GREB1L: variants seen among roughly 807,000 people sequenced by gnomAD.
GREB1L encodes GREB1-like protein.
A neutral mutation model predicts 200.8 loss-of-function variants in GREB1L; 17 were observed. The ratio of observed to expected loss-of-function variants is 0.08; its 90% CI spans 0.06 to 0.13. The LOEUF (loss-of-function observed/expected upper bound fraction) is 0.13. GREB1L is among the 10% of genes least tolerant of loss of function. GREB1L has a pLI of 1.00. For synonymous variants in GREB1L, 789 were observed against 893.0 expected (o/e 0.88, Z 2.08); for missense variants, 1,657 against 2,367.7 (o/e 0.70, Z 6.23).
chr18:21,426,449 T>A (rs1177632591), intron 7 of GREB1L, among the ~76,000 whole-genome samples: 2 of 152,236 alleles, frequency 1.3e-5, no homozygotes, highest in African/African-American at 2.4e-5. Flanking sequence ...TTTGTTAAGA[T>A]GACTAAATTT....
chr18:21,516,943 G>A (rs575433340), intron 30 of GREB1L, among the ~76,000 whole-genome samples, 189 bp downstream of exon 30: 14 of 146,526 alleles, frequency 9.6e-5, no homozygotes, highest in African/African-American at 1.5e-4. Flanking sequence ...GCGTGATCAC[G>A]GCTCACTGCA....
At chr18:21,296,969 A>G (rs79250565) in intron 1 of GREB1L, among the ~76,000 whole-genome samples, 54 of 152,238 alleles carry the variant, frequency 3.5e-4, no homozygotes, top group South Asian at 6.2e-4. Context: ...GATCTAAGGT[A>G]TAGCTTGAGC....
chr18:21,471,651 T>A lies in GREB1L; in HGVS notation c.2183-1380T>A, dbSNP rs2035488820. 2.0e-5 allele frequency among the ~76,000 whole-genome samples: 3 copies of A among 148,898 alleles called. 1 individual carries two copies. The highest frequency in any genetic ancestry group is 4.2e-4 in the South Asian group (2 of 4,740). On this transcript the variant is annotated intron_variant, in intron 15 of 32. Transcript: ENST00000424526. ...TTTTTTTTTTTTTTTTGAAACAGTC[T>A]CACTGTATTGTCCAGGCTGGAGTGC...
chr18:21,292,482 C>A (rs1408851401), intron 1 of GREB1L, among the ~76,000 whole-genome samples: 1 of 152,224 alleles, frequency 6.6e-6, no homozygotes, highest in African/African-American at 2.4e-5. Context: ...TCATCACCCC[C>A]AAAAGAAACC....
intron 7 of GREB1L, among the ~76,000 whole-genome samples, chr18:21,423,372 G>A (rs2032314786): frequency 6.6e-6 from 1 of 152,106 alleles, no homozygotes; most frequent in Non-Finnish European, 1.5e-5. Flanking sequence ...ATCATAGTTT[G>A]GGTTCTGCTA....
chr18:21,316,474 C>T (rs1264206160), intron 1 of GREB1L, among the ~76,000 whole-genome samples: 3 of 152,102 alleles, frequency 2.0e-5, no homozygotes, highest in Admixed American at 1.3e-4. Context: ...ATAGCAGTGA[C>T]GCATTTCAAA....
At chr18:21,507,908 C>A (rs959717534) in intron 25 of GREB1L, among the ~76,000 whole-genome samples, 2 of 152,190 alleles carry the variant, frequency 1.3e-5, no homozygotes, top group Non-Finnish European at 2.9e-5. Context: ...TATGCAGGTG[C>A]AAGACGGCGG....
At chr18:21,488,600 G>A (rs1041816244) in intron 18 of GREB1L, among the ~76,000 whole-genome samples, 1 of 152,170 alleles carries the variant, frequency 6.6e-6, no homozygotes, top group African/African-American at 2.4e-5. Flanking sequence ...CTCCATGAGA[G>A]CATTGGCCAA....
chr18:21,309,669 C>G (rs2038760156), intron 1 of GREB1L, among the ~76,000 whole-genome samples: 1 of 152,130 alleles, frequency 6.6e-6, no homozygotes, highest in South Asian at 2.1e-4. Flanking sequence ...CTTACTTTGT[C>G]CCCTGTAACC....
chr18:21,480,753 C>T (rs2035883913), intron 17 of GREB1L, among the ~76,000 whole-genome samples: 1 of 152,118 alleles, frequency 6.6e-6, no homozygotes, highest in Admixed American at 6.5e-5. Flanking sequence ...AGCACAGTGG[C>T]TCATGCCTGT....
intron 1 of GREB1L, among the ~76,000 whole-genome samples, chr18:21,251,665 G>A (rs2037706711): frequency 6.6e-6 from 1 of 152,106 alleles, no homozygotes; most frequent in African/African-American, 2.4e-5. Flanking sequence ...TTATCATCTC[G>A]GCTGGGCACG....
chr18:21,281,780 A>G (rs528349366), intron 1 of GREB1L, among the ~76,000 whole-genome samples: 87 of 152,224 alleles, frequency 5.7e-4, no homozygotes, highest in Non-Finnish European at 1.1e-3. Context: ...TTGAGGTGAC[A>G]TCTTCAAACT....
intron 1 of GREB1L, among the ~76,000 whole-genome samples, chr18:21,310,987 A>G (rs891601033): frequency 2.0e-5 from 3 of 152,204 alleles, no homozygotes; most frequent in Admixed American, 6.5e-5. Context: ...TAGAGGGCCT[A>G]TATCACCAAA....
At chr18:21,363,336 G>A (rs1474347200) in intron 1 of GREB1L, among the ~76,000 whole-genome samples, 1 of 132,790 alleles carries the variant, frequency 7.5e-6, no homozygotes, top group Non-Finnish European at 1.5e-5. Flanking sequence ...ATTGGTGAGT[G>A]AATTGCCCCG....
chr18:21,383,112 C>T (rs1213962525), intron 2 of GREB1L, among the ~76,000 whole-genome samples: 2 of 152,104 alleles, frequency 1.3e-5, no homozygotes, highest in Admixed American at 1.3e-4. Context: ...AAATTCATTA[C>T]TTACTCTGAA....
chr18:21,287,987 T>C (rs1447722937), intron 1 of GREB1L, among the ~76,000 whole-genome samples: 3 of 151,982 alleles, frequency 2.0e-5, no homozygotes, highest in Non-Finnish European at 4.4e-5. Context: ...GTATTTTTAG[T>C]AGAGATGGGG....
intron 1 of GREB1L, among the ~76,000 whole-genome samples, chr18:21,356,340 C>G (rs1312894496): frequency 6.6e-6 from 1 of 152,098 alleles, no homozygotes; most frequent in East Asian, 1.9e-4. Flanking sequence ...TATTCCCAGT[C>G]CAGCCCCTGA....
intron 1 of GREB1L, among the ~76,000 whole-genome samples, chr18:21,270,573 C>A (rs1326635315): frequency 6.6e-6 from 1 of 152,322 alleles, no homozygotes; most frequent in Non-Finnish European, 1.5e-5. Context: ...TTCGAGTGTC[C>A]TCTCTCATCC....
At chr18:21,349,525 G>T (rs757268606) in intron 1 of GREB1L, among the ~76,000 whole-genome samples, 3 of 152,178 alleles carry the variant, frequency 2.0e-5, no homozygotes, top group Non-Finnish European at 4.4e-5. Context: ...CACGTGGCCT[G>T]TTAGGAACTG....
Sources: allele counts gnomAD v4.1 joint callset (sites outside exome capture counted in the v4.1 genomes callset), GRCh38; gene constraint gnomAD v4.1.1; transcripts MANE v1.5; gene names NCBI Gene and HGNC (gene_info 2026-07-23, HGNC 2026-07-21).